Variants in TULP4 observed in about 807,000 individuals in gnomAD.
The protein encoded by TULP4 is TUB like protein 4, also known as tubby-related protein 4.
Under a neutral mutation model 129.0 loss-of-function variants are expected in TULP4, and 16 were observed. That is an observed-to-expected ratio of 0.12 (90% CI 0.08 to 0.19). TULP4 has a LOEUF of 0.19. Among genes scored for constraint, TULP4 ranks in the 10% least tolerant of loss-of-function variants. The pLI is 1.00. For missense variants in TULP4, 1,842 were observed against 2,059.1 expected, an observed-to-expected ratio of 0.89 and a Z score of 2.04; for synonymous variants, 998 against 854.0, an observed-to-expected ratio of 1.17 and a Z score of -2.94.
intron 3 of TULP4, among the ~76,000 whole-genome samples, chr6:158,445,361 G>A (rs963159964): frequency 2.0e-5 from 3 of 152,154 alleles, no homozygotes; most frequent in African/African-American, 4.8e-5. Context: ...GTGTTTTTGG[G>A]GGGTAGTTTT....
At chr6:158,453,994 G>A (rs919033733) in intron 5 of TULP4, among the ~76,000 whole-genome samples, 3 of 142,148 alleles carry the variant, frequency 2.1e-5, no homozygotes, top group Non-Finnish European at 3.0e-5. Context: ...ACTGTTGGTT[G>A]GCAAGAATCA....
At chr6:158,279,095 G>C (rs1304650819), upstream of TULP4, among the ~76,000 whole-genome samples, 2 of 151,124 alleles carry the variant, frequency 1.3e-5, no homozygotes, top group Admixed American at 6.6e-5. Context: ...CTGCCACTAT[G>C]CCCGGCTAAT....
chr6:158,288,976 T>G (rs186033552), intron 1 of TULP4, among the ~76,000 whole-genome samples: 28 of 152,354 alleles, frequency 1.8e-4, no homozygotes, highest in Admixed American at 7.2e-4. Context: ...TTTTAAATAT[T>G]CTGATTGAGT....
intron 1 of TULP4, among the ~76,000 whole-genome samples, chr6:158,256,831 C>G (rs986594312): frequency 6.6e-6 from 1 of 152,132 alleles, no homozygotes; most frequent in African/African-American, 2.4e-5. Context: ...TTTAAGGATG[C>G]TGATCAGTGG....
chr6:158,385,208 C>T (rs1284840857), intron 1 of TULP4, among the ~76,000 whole-genome samples: 2 of 152,296 alleles, frequency 1.3e-5, no homozygotes, highest in East Asian at 3.9e-4. Context: ...AAAGTACCAT[C>T]TTGATAAAAA....
chr6:158,490,960 T>C (rs1780186324), intron 9 of TULP4, among the ~76,000 whole-genome samples: 1 of 152,236 alleles, frequency 6.6e-6, no homozygotes, highest in South Asian at 2.1e-4. Flanking sequence ...TTTGAGGCTA[T>C]TATGAACAAA....
intron 3 of TULP4, chr6:158,437,779 A>C (rs994890500): frequency 6.6e-6 from 1 of 152,118 alleles, no homozygotes; most frequent in Non-Finnish European, 1.5e-5. Flanking sequence ...CAGAGTATCC[A>C]AGTAATAAAT....
intron 1 of TULP4, among the ~76,000 whole-genome samples, chr6:158,408,757 C>G (rs1778022664): frequency 6.6e-6 from 1 of 152,230 alleles, no homozygotes; most frequent in African/African-American, 2.4e-5. Flanking sequence ...AACCATTGTT[C>G]TAGTTGAATT....
intron 6 of TULP4, among the ~76,000 whole-genome samples, chr6:158,471,981 A>C (rs915100818): frequency 6.6e-6 from 1 of 152,184 alleles, no homozygotes; most frequent in East Asian, 1.9e-4. Context: ...TCCCCACTTC[A>C]TCTGACTTAG....
intron 1 of TULP4, among the ~76,000 whole-genome samples, chr6:158,255,759 T>C (rs971559538): frequency 1.3e-5 from 2 of 152,230 alleles, no homozygotes; most frequent in Admixed American, 1.3e-4. Flanking sequence ...TAAATTTTCT[T>C]ATTGTTTACA....
At chr6:158,317,999 G>A (rs1383434225) in intron 1 of TULP4, among the ~76,000 whole-genome samples, 3 of 152,060 alleles carry the variant, frequency 2.0e-5, no homozygotes. Context: ...ACTTTTTGAC[G>A]GGGTTGTTTG....
intron 1 of TULP4, among the ~76,000 whole-genome samples, chr6:158,236,475 T>A (rs1247809907): frequency 6.6e-6 from 1 of 152,214 alleles, no homozygotes; most frequent in Non-Finnish European, 1.5e-5. Context: ...GGAATTCTTT[T>A]TTTTCTTGTG....
chr6:158,326,911 C>G (rs1779758931), intron 1 of TULP4, among the ~76,000 whole-genome samples: 1 of 152,108 alleles, frequency 6.6e-6, no homozygotes, highest in Admixed American at 6.5e-5. Context: ...TTCTGGGATG[C>G]AAAATCCATG....
chr6:158,468,281 C>T (rs373842119), intron 6 of TULP4, among the ~76,000 whole-genome samples: 37 of 152,292 alleles, frequency 2.4e-4, no homozygotes, highest in African/African-American at 5.5e-4. Flanking sequence ...AGGTAAACTA[C>T]GCTGCCTTTC....
chr6:158,494,209 C>G (rs896524774), intron 10 of TULP4, among the ~76,000 whole-genome samples: 1 of 151,966 alleles, frequency 6.6e-6, no homozygotes, highest in Non-Finnish European at 1.5e-5. Context: ...GTAGAGCTAC[C>G]TTATGACATT....
At chr6:158,302,622 T>A (rs1333517994) in intron 1 of TULP4, among the ~76,000 whole-genome samples, 1 of 152,166 alleles carries the variant, frequency 6.6e-6, no homozygotes, top group Admixed American at 6.5e-5. Flanking sequence ...TGTTTCAGAT[T>A]TTCATTGTAG....
chr6:158,309,051 G>A (rs1309932741), upstream of TULP4, among the ~76,000 whole-genome samples: 7 of 136,158 alleles, frequency 5.1e-5, no homozygotes, highest in Admixed American at 7.1e-5. Context: ...CCTCCCTCCC[G>A]GACGGGGTGG....
At chr6:158,378,485 T>TTTTTTTTTTGG (rs1554285635) in intron 1 of TULP4, among the ~76,000 whole-genome samples, 7 of 51,412 alleles carry the variant, frequency 1.4e-4, no homozygotes, top group African/African-American at 3.0e-4. Context: ...TTTTTTTTTT[T>TTTTTTTTTTGG]GGTGGGGGTG....
At chr6:158,359,143 A>G (rs1437472031) in intron 1 of TULP4, among the ~76,000 whole-genome samples, 2 of 152,154 alleles carry the variant, frequency 1.3e-5, no homozygotes, top group Admixed American at 1.3e-4. Flanking sequence ...TTTCTATGCC[A>G]GCCACCCTCC....
Sources: allele counts gnomAD v4.1 joint callset (sites outside exome capture counted in the v4.1 genomes callset), GRCh38; gene constraint gnomAD v4.1.1; transcripts MANE v1.5; gene names NCBI Gene and HGNC (gene_info 2026-07-23, HGNC 2026-07-21).